Variants in NPAS3 observed in about 807,000 individuals in gnomAD.
The protein encoded by NPAS3 is neuronal PAS domain-containing protein 3.
A neutral mutation model predicts 73.1 loss-of-function variants in NPAS3; 14 were observed. That is an observed-to-expected ratio of 0.19 (90% CI 0.13 to 0.30). The LOEUF is 0.30. Ranked by LOEUF, NPAS3 falls within the 10% of genes least tolerant of loss-of-function variation. NPAS3 has a pLI of 1.00. For synonymous variants in NPAS3, 620 were observed against 541.5 expected (o/e 1.14, Z -2.01); for missense variants, 1,096 against 1,250.0 (o/e 0.88, Z 1.86).
At chr14:33,163,555 TA>T (rs1313423715) in intron 2 of NPAS3, among the ~76,000 whole-genome samples, 1 of 152,032 alleles carries the variant, frequency 6.6e-6, no homozygotes, top group Non-Finnish European at 1.5e-5. Context: ...ATACTGAATT[TA>T]AAAGTTTGTT....
intron 4 of NPAS3, among the ~76,000 whole-genome samples, chr14:33,427,186 T>A (rs1265156469): frequency 6.6e-6 from 1 of 152,026 alleles, no homozygotes; most frequent in South Asian, 2.1e-4. Flanking sequence ...ATGAACACTG[T>A]CTCCTAAGAG....
At chr14:33,195,028 G>C (rs1042725204) in intron 2 of NPAS3, among the ~76,000 whole-genome samples, 7 of 151,956 alleles carry the variant, frequency 4.6e-5, no homozygotes, top group African/African-American at 1.4e-4. Flanking sequence ...AAAAGTACTG[G>C]TGTGGACTAG....
At chr14:33,039,278 A>G (rs2040271528) in intron 1 of NPAS3, among the ~76,000 whole-genome samples, 1 of 152,138 alleles carries the variant, frequency 6.6e-6, no homozygotes, top group Non-Finnish European at 1.5e-5. Flanking sequence ...TTCCTACAAC[A>G]TAGTTACATT....
intron 6 of NPAS3, among the ~76,000 whole-genome samples, chr14:33,698,613 C>T (rs892638139): frequency 6.6e-6 from 1 of 152,176 alleles, no homozygotes; most frequent in Non-Finnish European, 1.5e-5. Context: ...CTCTTTAGGT[C>T]ATTCTGAATT....
intron 3 of NPAS3, among the ~76,000 whole-genome samples, chr14:33,262,302 C>T (rs1479200390): frequency 6.6e-6 from 1 of 152,136 alleles, no homozygotes; most frequent in Non-Finnish European, 1.5e-5. Context: ...CATTGTGCAT[C>T]GTAAGCCAAG....
At chr14:33,353,171 A>AT (rs961592554) in intron 3 of NPAS3, among the ~76,000 whole-genome samples, 4 of 152,016 alleles carry the variant, frequency 2.6e-5, no homozygotes, top group South Asian at 2.1e-4. Flanking sequence ...AAAAAAAAAA[A>AT]ATATTGGGAA....
intron 4 of NPAS3, among the ~76,000 whole-genome samples, chr14:33,426,037 T>C (rs1399240400): frequency 6.6e-6 from 1 of 152,090 alleles, no homozygotes; most frequent in African/African-American, 2.4e-5. Flanking sequence ...AGAGGACTTA[T>C]ATTCACTGAG....
At chr14:33,098,889 C>T (rs2042499334) in intron 2 of NPAS3, among the ~76,000 whole-genome samples, 1 of 152,146 alleles carries the variant, frequency 6.6e-6, no homozygotes, top group Admixed American at 6.5e-5. Context: ...CTTTAAATTG[C>T]CTGAGACCAA....
chr14:33,739,117 G>A (rs959401610), intron 7 of NPAS3, among the ~76,000 whole-genome samples: 2 of 152,164 alleles, frequency 1.3e-5, no homozygotes, highest in African/African-American at 4.8e-5. Flanking sequence ...GGCAAACGTA[G>A]GCAAACGGAG....
intron 3 of NPAS3, among the ~76,000 whole-genome samples, chr14:33,353,257 T>C (rs2045166401): frequency 6.6e-6 from 1 of 152,192 alleles, no homozygotes; most frequent in South Asian, 2.1e-4. Flanking sequence ...CATTAAATAA[T>C]GCATTTTAGT....
At chr14:33,135,846 T>C (rs1364206233) in intron 2 of NPAS3, among the ~76,000 whole-genome samples, 1 of 152,074 alleles carries the variant, frequency 6.6e-6, no homozygotes. Context: ...TGAAAAGAAA[T>C]GATTGGTAGT....
chr14:32,979,103 G>A (rs760506128), intron 1 of NPAS3, among the ~76,000 whole-genome samples: 20 of 152,170 alleles, frequency 1.3e-4, no homozygotes, highest in Non-Finnish European at 2.4e-4. Flanking sequence ...TTCTTAAGAG[G>A]ATTAAATTGT....
At chr14:33,686,549 C>G (rs2060094476) in intron 6 of NPAS3, among the ~76,000 whole-genome samples, 1 of 152,176 alleles carries the variant, frequency 6.6e-6, no homozygotes, top group Non-Finnish European at 1.5e-5. Flanking sequence ...AGGCACTTTG[C>G]TAAACCCATT....
At chr14:33,392,168 T>C (rs544767398) in intron 4 of NPAS3, among the ~76,000 whole-genome samples, 1 of 152,334 alleles carries the variant, frequency 6.6e-6, no homozygotes, top group African/African-American at 2.4e-5. Context: ...TTGTCACATA[T>C]TCTACTTTTT....
intron 1 of NPAS3, among the ~76,000 whole-genome samples, chr14:33,026,218 G>T (rs1413427187): frequency 1.3e-5 from 2 of 152,140 alleles, no homozygotes; most frequent in African/African-American, 4.8e-5. Flanking sequence ...CTTCTGGCTG[G>T]CCCCAATTCA....
chr14:33,042,725 A>C (rs541558628), intron 1 of NPAS3, among the ~76,000 whole-genome samples: 10 of 152,306 alleles, frequency 6.6e-5, no homozygotes, highest in African/African-American at 2.2e-4. Flanking sequence ...ATTTCTGTTA[A>C]AAGTTTTTCC....
At chr14:33,701,728 A>T (rs921334648) in intron 6 of NPAS3, among the ~76,000 whole-genome samples, 5 of 152,216 alleles carry the variant, frequency 3.3e-5, no homozygotes, top group African/African-American at 1.2e-4. Flanking sequence ...TCCTTCACTC[A>T]TTCATTCATT....
In NPAS3 at chr14:33,231,979, A is replaced by G. The variant is rs146562022; in HGVS notation, c.385+16553A>G. 3.8e-4 allele frequency among the ~76,000 whole-genome samples: 58 copies of G among 152,326 alleles called. No individual in the cohort carries two copies. In the East Asian group the frequency reaches 7.7e-3, roughly 20 times the overall value. ...TATAAATGCTTATCTATTACAATTC[A>G]TGTAGATAGTCCTATAGAGAGAATT... On this transcript the variant is annotated intron_variant, in intron 3 of 11. Coordinates refer to ENST00000356141, the Ensembl canonical transcript of NPAS3.
At chr14:33,269,704 T>C (rs928763741) in intron 3 of NPAS3, among the ~76,000 whole-genome samples, 3 of 151,902 alleles carry the variant, frequency 2.0e-5, no homozygotes, top group African/African-American at 7.3e-5. Flanking sequence ...GCCTCTGATA[T>C]ACAAAACAAT....
Sources: gnomAD v4.1 joint callset for allele counts (sites outside exome capture counted in the v4.1 genomes callset) on GRCh38, gnomAD v4.1.1 for gene constraint, MANE v1.5 for transcripts, NCBI Gene and HGNC (gene_info 2026-07-23, HGNC 2026-07-21) for gene names.